The following CHST7 variants were observed in gnomAD, a reference collection of about 807,000 sequenced individuals.
CHST7 encodes the protein N-acetylglucosamine 6-O-sulfotransferase 4.
CHST7 carries 5 observed loss-of-function variants against 9.0 expected under a neutral mutation model. That is an observed-to-expected ratio of 0.56 (90% CI 0.29 to 1.17). The LOEUF (loss-of-function observed/expected upper bound fraction) is 1.17, where lower values mean the gene tolerates loss of function less well. CHST7 is among the 50% of genes most tolerant of loss of function. The probability of loss-of-function intolerance (pLI) is 0.08; values close to 1 mark genes in which losing one functional copy is unlikely to be tolerated. For missense variants in CHST7, 377 were observed against 485.1 expected (o/e 0.78, Z 2.09); for synonymous variants, 244 against 237.1 (o/e 1.03, Z -0.27).
chrX:46,589,203 C>G (rs1942562502), intron 1 of CHST7, among the ~76,000 whole-genome samples: 1 of 111,541 alleles, frequency 9.0e-6, no homozygotes, highest in African/African-American at 3.3e-5. Context: ...TATTTCATTG[C>G]TCCCTATGAA....
Position 46,575,224 on chromosome X carries a change from G to A in CHST7, c.1293G>A (p.Val431=). ...CAGCGCGCGACGCCCGGGAGGCGGT[G>A]CACGCCTGGCGCGAGCGCCTGAGCC... The part of the protein sequence containing the change: ...HLSARDAREA[V]HAWRERLSRE... The change falls in exon 1 of 2, where the codon GTG becomes GTA. Residue 431 remains valine, a synonymous_variant. Transcript: ENST00000276055. The A allele has an allele frequency of 1.8e-6, 2 of 1,103,033 alleles. No homozygotes were observed. Among genetic ancestry groups the A allele is most frequent in the Non-Finnish European group, 2.4e-6 (2 of 849,645 alleles). 90.9% of individuals were successfully genotyped at this position (1,103,033 alleles called of 1,213,427 possible).
At chrX:46,588,047 C>G (rs1172746489) in intron 1 of CHST7, among the ~76,000 whole-genome samples, 1 of 111,811 alleles carries the variant, frequency 8.9e-6, no homozygotes, top group Non-Finnish European at 1.9e-5. Context: ...TCAGCTCTCT[C>G]AAGTGCTAAG....
At chrX:46,578,269 C>T (rs371674228) in intron 1 of CHST7, among the ~76,000 whole-genome samples, 2 of 51,336 alleles carry the variant, frequency 3.9e-5, no homozygotes, top group African/African-American at 9.7e-5. Flanking sequence ...CTGCCATGCT[C>T]TTTTTTTTTT....
rs1024810026 is a variant in CHST7 at position 46,598,183 on chromosome X, A to G, written c.*455A>G. The G allele has an allele frequency of 1.8e-5, 2 of 112,350 alleles. No homozygotes were observed. The highest frequency in any genetic ancestry group is 1.9e-5 in the Non-Finnish European group (1 of 53,269). 9.3% of individuals were successfully genotyped at this position (112,350 alleles called of 1,213,427 possible). On this transcript the variant is annotated 3_prime_UTR_variant, in exon 2 of 2. Coordinates refer to ENST00000276055, the MANE Select transcript of CHST7 (RefSeq NM_019886.4). Reference sequence around the variant, plus strand: ...TTAAATTACTTAATAATATTATTAAATAATAATAGGTCTGGGCAGTATTGT... The same window carrying G: ...TTAAATTACTTAATAATATTATTAAGTAATAATAGGTCTGGGCAGTATTGT...
chrX:46,577,066 G>A (rs1208850653), intron 1 of CHST7, among the ~76,000 whole-genome samples: 1 of 110,378 alleles, frequency 9.1e-6, no homozygotes, highest in Non-Finnish European at 1.9e-5. Flanking sequence ...TCCTCCCCTG[G>A]GCGGAATGCT....
chrX:46,583,970 A>C (rs1569491765), intron 1 of CHST7, among the ~76,000 whole-genome samples: 1 of 112,255 alleles, frequency 8.9e-6, no homozygotes, highest in Non-Finnish European at 1.9e-5. Flanking sequence ...GAGTGAGAAC[A>C]TGCAATATTT....
At chrX:46,583,421 G>A in intron 1 of CHST7, among the ~76,000 whole-genome samples, 1 of 111,873 alleles carries the variant, frequency 8.9e-6, no homozygotes, top group Non-Finnish European at 1.9e-5. Flanking sequence ...GCGGAGCTCA[G>A]TGATGTGTCT....
chrX:46,578,269 C>CTTTTTTTTTTTTTT lies in CHST7; in HGVS notation c.*31+2857_*31+2870dup, dbSNP rs3071957. 3.9e-5 allele frequency among the ~76,000 whole-genome samples: 2 copies of CTTTTTTTTTTTTTT among 51,343 alleles called. 1 individual carries two copies. The highest frequency in any genetic ancestry group is 1.9e-4 in the African/African-American group (2 of 10,273). 44.6% of individuals were successfully genotyped at this position (51,343 alleles called of 115,157 possible). On this transcript the variant is annotated intron_variant, in intron 1 of 1. Coordinates refer to ENST00000276055, the MANE Select transcript of CHST7 (RefSeq NM_019886.4). ...GAGGGGTTTTTCCTCCTGCCATGCT[C>CTTTTTTTTTTTTTT]TTTTTTTTTTTTTTTTTTTTTTTTG...
At chrX:46,577,548 A>G (rs997517308) in intron 1 of CHST7, among the ~76,000 whole-genome samples, 3 of 111,594 alleles carry the variant, frequency 2.7e-5, no homozygotes, top group Non-Finnish European at 5.6e-5. Flanking sequence ...TCCTTACTGA[A>G]GGGCTATGTG....
chrX:46,581,315 T>G, intron 1 of CHST7, among the ~76,000 whole-genome samples: 1 of 105,302 alleles, frequency 9.5e-6, no homozygotes, highest in Non-Finnish European at 1.9e-5. Flanking sequence ...CCCAGCACTT[T>G]GGTAGGCCGA....
Position 46,573,811 on chromosome X carries a change from C to T in CHST7, c.-121C>T. ...GTTTCCCCTTGTGGATGCGCGGCCC[C>T]GCGGCTCTGCTCCTCCCGGCGCAGA... On this transcript the variant is annotated 5_prime_UTR_variant, in exon 1 of 2. Coordinates refer to ENST00000276055, the MANE Select transcript of CHST7 (RefSeq NM_019886.4). 1 of 1,032,511 alleles carries T rather than the reference C, an allele frequency of 9.7e-7. No homozygotes were observed. The highest frequency in any genetic ancestry group is 1.3e-6 in the Non-Finnish European group (1 of 793,855). The allele number at this position is 1,032,511 out of a possible 1,213,427, so 85.1% of individuals were successfully genotyped here.
intron 1 of CHST7, among the ~76,000 whole-genome samples, chrX:46,585,343 G>A (rs1397509096): frequency 5.0e-5 from 5 of 100,262 alleles, no homozygotes; most frequent in African/African-American, 1.9e-4. Flanking sequence ...AGGCTGGAGT[G>A]CAGTGGCATG....
At chrX:46,596,002 G>T (rs1312281339) in intron 1 of CHST7, among the ~76,000 whole-genome samples, 3 of 109,862 alleles carry the variant, frequency 2.7e-5, no homozygotes, top group Non-Finnish European at 5.7e-5. Flanking sequence ...GCTGGGCGTG[G>T]TGGTGCACGC....
chrX:46,580,774 G>C (rs963159605), intron 1 of CHST7, among the ~76,000 whole-genome samples: 1 of 111,582 alleles, frequency 9.0e-6, no homozygotes, highest in Non-Finnish European at 1.9e-5. Context: ...ACATAAAGTA[G>C]TAACAGTCAT....
chrX:46,590,898 A>G (rs1278771235), intron 1 of CHST7, among the ~76,000 whole-genome samples: 2 of 111,973 alleles, frequency 1.8e-5, no homozygotes, highest in Non-Finnish European at 3.8e-5. Context: ...CCATCTCTAT[A>G]ATTGTGTTAT....
chrX:46,582,245 G>A (rs762112692), intron 1 of CHST7, among the ~76,000 whole-genome samples: 4 of 111,979 alleles, frequency 3.6e-5, no homozygotes, highest in Non-Finnish European at 7.5e-5. Context: ...TAGGGTCCTT[G>A]TATTTGCATA....
At chrX:46,585,806 C>A (rs935608162) in intron 1 of CHST7, among the ~76,000 whole-genome samples, 1 of 112,124 alleles carries the variant, frequency 8.9e-6, no homozygotes, top group African/African-American at 3.2e-5. Context: ...AGTGCAGTGA[C>A]GCGATATCGG....
rs190308881 is a variant in CHST7 at position 46,585,420 on chromosome X, G to T, written c.*31+9997G>T. Reference sequence around the variant, plus strand: ...TTCTTGTCCCTCAGCCTCCAGAGTAGCTGGGACTACAGGCATGCGCCACCA... The same window carrying T: ...TTCTTGTCCCTCAGCCTCCAGAGTATCTGGGACTACAGGCATGCGCCACCA... On this transcript the variant is annotated intron_variant, in intron 1 of 1. Coordinates refer to ENST00000276055, the MANE Select transcript of CHST7 (RefSeq NM_019886.4). 1.0e-3 allele frequency among the ~76,000 whole-genome samples: 111 copies of T among 108,970 alleles called. 1 individual carries two copies. The highest frequency in any genetic ancestry group is 3.4e-3 in the African/African-American group (101 of 29,863). The allele number at this position is 108,970 out of a possible 115,157, so 94.6% of individuals were successfully genotyped here.
At position 46,574,705 on chromosome X, in the gene CHST7, C is replaced by T. The variant is rs1384006897; in HGVS notation, c.774C>T (p.Gly258=). ...AGGACGTGCGCCTGCTCGATCTGGG[C>T]GTGCTGGTGCCCCTGTTGCGTGATC... ...VIKDVRLLDL[G]VLVPLLRDPG... The change falls in exon 1 of 2, where the codon GGC becomes GGT. Residue 258 remains glycine, a synonymous_variant. Coordinates refer to ENST00000276055, the MANE Select transcript of CHST7 (RefSeq NM_019886.4). 1 of 1,209,404 alleles carries T rather than the reference C, an allele frequency of 8.3e-7. No homozygotes were observed. The highest frequency in any genetic ancestry group is 3.0e-5 in the East Asian group (1 of 33,727).
Sources: allele counts gnomAD v4.1 joint callset (sites outside exome capture counted in the v4.1 genomes callset), GRCh38; gene constraint gnomAD v4.1.1; transcripts MANE v1.5; gene names NCBI Gene and HGNC (gene_info 2026-07-23, HGNC 2026-07-21).